The following BARHL2 variants were observed in gnomAD, a reference collection of about 807,000 sequenced individuals.
The protein encoded by BARHL2 is BarH like homeobox 2.
A neutral mutation model predicts 27.1 loss-of-function variants in BARHL2; 10 were observed. That is an observed-to-expected ratio of 0.37 (90% confidence interval 0.23 to 0.63). The LOEUF (loss-of-function observed/expected upper bound fraction) is 0.63. Ranked by LOEUF, BARHL2 falls within the 20% of genes least tolerant of loss-of-function variation. The probability of loss-of-function intolerance (pLI) is 0.65; values close to 1 mark genes in which losing one functional copy is unlikely to be tolerated. For synonymous variants in BARHL2, 248 were observed against 224.7 expected, an observed-to-expected ratio of 1.10 and a Z score of -0.93; for missense variants, 483 against 533.5, an observed-to-expected ratio of 0.91 and a Z score of 0.93.
chr1:90,712,406 A>G lies in BARHL2; in HGVS notation c.1070T>C (p.Val357Ala), dbSNP rs1276701139. ...APHPQLQRPL[V>A]PRVLIHGLGP... Reference sequence around the variant, plus strand: ...TAGGCCGTGGATGAGCACACGGGGCACCAGGGGCCGCTGCAGCTGGGGATG... The same window carrying G: ...TAGGCCGTGGATGAGCACACGGGGCGCCAGGGGCCGCTGCAGCTGGGGATG... The change falls in exon 3 of 3, where the codon GTG becomes GCG. Residue 357 changes from valine to alanine, a missense_variant. Val to Ala is a moderately conservative substitution (Grantham distance 64). Around this residue, in one of 3 missense-constraint regions of BARHL2, gnomAD observed 130 missense variants for 138.0 expected, o/e 0.94. Coordinates refer to ENST00000370445, the MANE Select transcript of BARHL2 (RefSeq NM_020063.2). 1 of 1,602,622 alleles carries G rather than the reference A, an allele frequency of 6.2e-7. No individual in the cohort carries two copies. Among genetic ancestry groups the G allele is most frequent in the East Asian group, 2.3e-5 (1 of 44,398 alleles).
rs572958991 is a variant in BARHL2 at position 90,714,593 on chromosome 1, C to T, written c.789G>A (p.Met263Ile). 29 of 1,614,244 alleles carry T rather than the reference C, an allele frequency of 1.8e-5. 1 individual carries two copies. Among genetic ancestry groups the T allele is most frequent in the East Asian group, 4.5e-5 (2 of 44,882 alleles). ...TGAGGTTGAGCGCTGCAGCCAGGTC[C>T]ATGCGATCCTGCACGCTCAGGTACT... ...RQKYLSVQDR[M>I]DLAAALNLTD... The change falls in exon 2 of 3, where the codon ATG (methionine) becomes ATA (isoleucine). Residue 263 changes from methionine (M) to isoleucine (I), a missense_variant. Met to Ile is a conservative substitution (Grantham distance 10, BLOSUM62 1). Transcript: ENST00000370445.
intron 1 of BARHL2, among the ~76,000 whole-genome samples, chr1:90,715,647 T>C (rs1219005585): frequency 6.6e-6 from 1 of 152,180 alleles, no homozygotes; most frequent in Non-Finnish European, 1.5e-5. Flanking sequence ...GCCAACATCC[T>C]ACCTTCCAGT....
Position 90,716,854 on chromosome 1 carries a change from C to T in BARHL2, c.342G>A (p.Pro114=). The T allele has an allele frequency of 6.4e-7, 1 of 1,554,572 alleles. No individual in the cohort carries two copies. Among genetic ancestry groups the T allele is most frequent in the Non-Finnish European group, 8.7e-7 (1 of 1,150,212 alleles). ...GCGGCGGCGGCTGCTGTGGCGGCAG[C>T]GGCTGCTGCTGTTGGGGCAAAGGCT... is the stretch of plus-strand genomic sequence containing the variant. ...SLQPLPQQQQ[P]LPPQQPPPPP... Residue 114 remains proline, a synonymous_variant, in exon 1 of 3, where the codon CCG becomes CCA. Coordinates refer to ENST00000370445, the MANE Select transcript of BARHL2 (RefSeq NM_020063.2).
At chr1:90,715,457 A>C (rs1463196247) in intron 1 of BARHL2, among the ~76,000 whole-genome samples, 1 of 152,102 alleles carries the variant, frequency 6.6e-6, no homozygotes, top group Admixed American at 6.5e-5. Flanking sequence ...TGGGAAATCG[A>C]TATGTCAATC....
At chr1:90,716,466 G>C (rs1392746688) in intron 1 of BARHL2, 105 bp downstream of exon 1, 2 of 1,252,216 alleles carry the variant, frequency 1.6e-6, no homozygotes, top group East Asian at 4.6e-5. Flanking sequence ...CGCCCGAGAA[G>C]CTCCTGGAAT....
chr1:90,714,515 A>G lies in BARHL2; in HGVS notation c.851+16T>C. 3 of 1,613,076 alleles carry G rather than the reference A, an allele frequency of 1.9e-6. No homozygotes were observed. Among genetic ancestry groups the G allele is most frequent in the Non-Finnish European group, 2.5e-6 (3 of 1,179,062 alleles). On this transcript the variant is annotated intron_variant, in intron 2 of 2. Coordinates refer to ENST00000370445, the MANE Select transcript of BARHL2 (RefSeq NM_020063.2). The stretch of plus-strand genomic sequence containing the variant: ...AATGGCCAGACACCTTTGCTCCCCC[A>G]AAGTGCCTCCCTTACCTGCGGTTCT...
intron 2 of BARHL2, among the ~76,000 whole-genome samples, chr1:90,714,221 T>C (rs2100641128): frequency 6.6e-6 from 1 of 152,306 alleles, no homozygotes; most frequent in Non-Finnish European, 1.5e-5. Context: ...GATGTCTCAA[T>C]TTGAGAAGGT....
intron 1 of BARHL2, among the ~76,000 whole-genome samples, chr1:90,715,799 A>T (rs938547386): frequency 2.6e-5 from 4 of 152,228 alleles, no homozygotes; most frequent in African/African-American, 9.7e-5. Context: ...CTGATGAGAA[A>T]ATGGAAAAAG....
chr1:90,712,813 A>C (rs1013312569), intron 2 of BARHL2, among the ~76,000 whole-genome samples, 189 bp from the exon 3 acceptor site: 1 of 152,234 alleles, frequency 6.6e-6, no homozygotes, highest in Middle Eastern at 3.4e-3. Context: ...GAAAGACCCA[A>C]ACCCAAAGCC....
In BARHL2 at chr1:90,716,895, G is replaced by C. The variant is rs766681566; in HGVS notation, c.301C>G (p.Pro101Ala). The C allele has an allele frequency of 1.0e-5, 16 of 1,599,592 alleles. 1 individual carries two copies. In the Admixed American group the frequency reaches 2.6e-4, roughly 26 times the overall value. Residue 101 changes from proline to alanine, a missense_variant, in exon 1 of 3, where the codon CCG becomes GCG. Pro to Ala is a conservative substitution (Grantham distance 27). This residue lies in a region of BARHL2 where 304 missense variants were observed against 284.9 expected (regional missense o/e 1.07). Transcript: ENST00000370445. Reference sequence around the variant, plus strand: ...GGCAAAGGCTGCAAACTTTGCGTCGGGGCCGCGGCCGGCGGCGGCGGCTGC... The same window carrying C: ...GGCAAAGGCTGCAAACTTTGCGTCGCGGCCGCGGCCGGCGGCGGCGGCTGC... ...SQQPPPPAAA[P>A]TQSLQPLPQQ...
chr1:90,716,991 T>C lies in BARHL2; in HGVS notation c.205A>G (p.Thr69Ala). ...AGATGCGGCTCCGGGGGCTCCATGG[T>C]GACTGAGATAGGAGAAGAAGGCGCC... ...GTAPSSPISV[T>A]MEPPEPHLVA... is the part of the protein sequence containing the mutation. The change falls in exon 1 of 3, where the codon ACC becomes GCC. Residue 69 changes from threonine to alanine, a missense_variant. Thr to Ala is a moderately conservative substitution (Grantham distance 58). Transcript: ENST00000370445. 6.2e-7 allele frequency: 1 copy of C among 1,613,526 alleles called. No individual in the cohort carries two copies. Among genetic ancestry groups the C allele is most frequent in the South Asian group, 1.1e-5 (1 of 90,996 alleles).
chr1:90,716,798 G>A lies in BARHL2; in HGVS notation c.398C>T (p.Ser133Leu). The change falls in exon 1 of 3, where the codon TCG becomes TTG. Residue 133 changes from serine to leucine, a missense_variant. Physicochemically the swap from Ser to Leu is moderately radical, Grantham distance 145. Coordinates refer to ENST00000370445, the MANE Select transcript of BARHL2 (RefSeq NM_020063.2). ...PPPQQLGSAA[S>L]APRTSTSSFL... is the part of the protein sequence containing the mutation. ...AGAAGACGTGGAAGTCCTGGGGGCC[G>A]AGGCGGCCGAGCCCAGCTGCTGGGG... The A allele has an allele frequency of 1.3e-6, 2 of 1,553,018 alleles. No homozygotes were observed. Among genetic ancestry groups the A allele is most frequent in the East Asian group, 2.4e-5 (1 of 41,022 alleles).
At chr1:90,715,314 C>G (rs1280903135) in intron 1 of BARHL2, among the ~76,000 whole-genome samples, 1 of 151,960 alleles carries the variant, frequency 6.6e-6, no homozygotes, top group Non-Finnish European at 1.5e-5. Flanking sequence ...CCACCTGCAT[C>G]AGGTCTTTTA....
In BARHL2 at chr1:90,712,364, G is replaced by C. The variant is rs1393915987; in HGVS notation, c.1112C>G (p.Pro371Arg). ...GGGGCTGGACAATGGATTAAGGGCT[G>C]GCTGTCCCCCAGGCCCTAGGCCGTG... ...LIHGLGPGGQPALNPLSSPIP... is the reference protein window; with the variant it reads ...LIHGLGPGGQRALNPLSSPIP... The change falls in exon 3 of 3, where the codon CCA (proline) becomes CGA (arginine). Residue 371 changes from proline (P) to arginine (R), a missense_variant. Pro to Arg is a moderately radical substitution (Grantham distance 103). Coordinates refer to ENST00000370445, the MANE Select transcript of BARHL2 (RefSeq NM_020063.2). 6.5e-7 allele frequency: 1 copy of C among 1,548,790 alleles called. No homozygotes were observed. The highest frequency in any genetic ancestry group is 8.7e-7 in the Non-Finnish European group (1 of 1,143,046).
rs976645520 is a variant in BARHL2, at chr1:90,712,640, T to C, written c.852-16A>G. 2 of 1,589,604 alleles carry C rather than the reference T, an allele frequency of 1.3e-6. No individual in the cohort carries two copies. The highest frequency in any genetic ancestry group is 1.1e-5 in the South Asian group (1 of 87,626). ...CCACTTGGTCCTGAAAGAAAGCGGG[T>C]GTGCAGGCACCCAGCAGCTGTGGGC... On this transcript the variant is annotated splice_polypyrimidine_tract_variant and intron_variant, in intron 2 of 2. Coordinates refer to ENST00000370445, the MANE Select transcript of BARHL2 (RefSeq NM_020063.2).
In BARHL2 at chr1:90,712,277, G is replaced by C; in HGVS notation, c.*35C>G. The C allele has an allele frequency of 2.8e-6, 4 of 1,433,548 alleles. No individual in the cohort carries two copies. The highest frequency in any genetic ancestry group is 3.7e-6 in the Non-Finnish European group (4 of 1,092,866). 88.8% of individuals were successfully genotyped at this position (1,433,548 alleles called of 1,614,324 possible). ...AGCAGTCCGGGTTGGGCAGGGATAT[G>C]GGGAAGGGATTGCAGTGCCTTCGCT... is the stretch of plus-strand genomic sequence containing the variant. On this transcript the variant is annotated 3_prime_UTR_variant, in exon 3 of 3. Coordinates refer to ENST00000370445, the MANE Select transcript of BARHL2 (RefSeq NM_020063.2).
In BARHL2 at chr1:90,712,759, C is replaced by T; in HGVS notation, c.852-135G>A. The stretch of plus-strand genomic sequence containing the variant: ...TGGCAGGAAGACTCAGAGACCTCTT[C>T]AAACTGGCAATGCACCACATCTCCT... On this transcript the variant is annotated intron_variant, in intron 2 of 2. Transcript: ENST00000370445. 3.3e-6 allele frequency: 3 copies of T among 899,740 alleles called. No individual in the cohort carries two copies. In the South Asian group the frequency reaches 5.5e-5, roughly 17 times the overall value. The allele number at this position is 899,740 out of a possible 1,614,324, so 55.7% of individuals were successfully genotyped here. A position where few individuals can be genotyped will look rare whatever the true frequency, so the allele number is the denominator to read the frequency against.
Position 90,716,842 on chromosome 1 carries a change from C to G in BARHL2, c.354G>C (p.Gln118His), listed in dbSNP as rs1217893404. Residue 118 changes from glutamine (Q) to histidine (H), a missense_variant, in exon 1 of 3, where the codon CAG (glutamine) becomes CAC (histidine). By Grantham distance (24) the Gln-to-His change is conservative. Coordinates refer to ENST00000370445, the MANE Select transcript of BARHL2 (RefSeq NM_020063.2). ...LPQQQQPLPP[Q>H]QPPPPPPQQL... Reference sequence around the variant, plus strand: ...GCTGGGGGGGCGGCGGCGGCGGCTGCTGTGGCGGCAGCGGCTGCTGCTGTT... The same window carrying G: ...GCTGGGGGGGCGGCGGCGGCGGCTGGTGTGGCGGCAGCGGCTGCTGCTGTT... 6.4e-7 allele frequency: 1 copy of G among 1,554,318 alleles called. No homozygotes were observed. The highest frequency in any genetic ancestry group is 1.4e-5 in the African/African-American group (1 of 72,866).
chr1:90,712,923 T>C, intron 2 of BARHL2, among the ~76,000 whole-genome samples: 1 of 152,154 alleles, frequency 6.6e-6, no homozygotes, highest in East Asian at 1.9e-4. Flanking sequence ...GTCGCCCCCC[T>C]TGTAGTTTGG....
Sources: gnomAD v4.1 joint callset for allele counts (sites outside exome capture counted in the v4.1 genomes callset) on GRCh38, gnomAD v4.1.1 for gene constraint, gnomAD v4.1.1 regional missense constraint, MANE v1.5 for transcripts, NCBI Gene and HGNC (gene_info 2026-07-23, HGNC 2026-07-21) for gene names.